The following CSMD1 variants were observed in gnomAD, a reference collection of about 807,000 sequenced individuals.
CSMD1 encodes CUB and Sushi multiple domains 1, also known as CUB and sushi domain-containing protein 1.
CSMD1 carries 213 observed loss-of-function variants against 417.5 expected under a neutral mutation model. That is an observed-to-expected ratio of 0.51 (90% confidence interval 0.46 to 0.57). The LOEUF (loss-of-function observed/expected upper bound fraction) is 0.57, where lower values mean the gene tolerates loss of function less well. Among genes scored for constraint, CSMD1 ranks in the 20% least tolerant of loss-of-function variants. CSMD1 has a pLI of 0.00. For missense variants in CSMD1, 6,923 were observed against 4,529.7 expected (o/e 1.53, Z -15.17); for synonymous variants, 2,862 against 1,736.8 (o/e 1.65, Z -16.11).
At chr8:4,795,248 A>C in intron 1 of CSMD1, among the ~76,000 whole-genome samples, 1 of 95,666 alleles carries the variant, frequency 1.0e-5, no homozygotes, top group African/African-American at 3.6e-5. Flanking sequence ...TGCTGGTGTC[A>C]TAGCTTTTTT....
At chr8:4,910,427 G>A (rs1028711843) in intron 1 of CSMD1, among the ~76,000 whole-genome samples, 20 of 152,338 alleles carry the variant, frequency 1.3e-4, no homozygotes, top group African/African-American at 4.8e-4. Flanking sequence ...TCTGGAGGCT[G>A]AGAAGTCCAG....
intron 1 of CSMD1, among the ~76,000 whole-genome samples, chr8:4,963,350 C>G (rs987880214): frequency 1.4e-4 from 22 of 152,112 alleles, no homozygotes; most frequent in African/African-American, 5.3e-4. Flanking sequence ...CAGTCACACA[C>G]CACCCTGCCC....
chr8:3,040,497 T>C (rs150018262), intron 50 of CSMD1, among the ~76,000 whole-genome samples: 23 of 150,694 alleles, frequency 1.5e-4, no homozygotes, highest in African/African-American at 5.6e-4. Flanking sequence ...AACATATATA[T>C]GTATATACAA....
Position 3,091,599 on chromosome 8 carries a change from A to C in CSMD1, c.7202T>G (p.Phe2401Cys). The C allele has an allele frequency of 6.2e-7, 1 of 1,611,702 alleles. No individual in the cohort carries two copies. The highest frequency in any genetic ancestry group is 8.5e-7 in the Non-Finnish European group (1 of 1,179,436). Residue 2401 changes from phenylalanine (F) to cysteine (C), a missense_variant, in exon 48 of 70, where the codon TTT (phenylalanine) becomes TGT (cysteine). Coordinates refer to ENST00000635120, the MANE Select transcript of CSMD1 (RefSeq NM_033225.6). ...LSGNHTEQSN[F>C]TSRSNQLYLR... Reference sequence around the variant, plus strand: ...ATATAACTGATTACTCCTGCTTGTAAAATTTGATTGTTCAGTATGATTCCC... The same window carrying C: ...ATATAACTGATTACTCCTGCTTGTACAATTTGATTGTTCAGTATGATTCCC...
At chr8:4,899,503 T>C (rs1397613751) in intron 1 of CSMD1, among the ~76,000 whole-genome samples, 1 of 152,204 alleles carries the variant, frequency 6.6e-6, no homozygotes, top group Non-Finnish European at 1.5e-5. Context: ...ATGTTAGATC[T>C]CATTGTCTCA....
At chr8:4,302,487 A>G (rs1798031398) in intron 3 of CSMD1, among the ~76,000 whole-genome samples, 1 of 152,188 alleles carries the variant, frequency 6.6e-6, no homozygotes, top group South Asian at 2.1e-4. Flanking sequence ...GTGAAAATGT[A>G]AGCTACTTGA....
intron 7 of CSMD1, among the ~76,000 whole-genome samples, chr8:3,683,024 C>T (rs935698004): frequency 6.6e-6 from 1 of 152,010 alleles, no homozygotes; most frequent in African/African-American, 2.4e-5. Flanking sequence ...GGAAGGGGAA[C>T]ATCACACACC....
At chr8:3,973,202 G>A (rs6984352) in intron 5 of CSMD1, among the ~76,000 whole-genome samples, 49,945 of 152,068 alleles carry the variant, frequency 0.33, 8,995 homozygotes, top group African/African-American at 0.47. Flanking sequence ...TGGTGGTGCT[G>A]CATGCAGCTG....
intron 2 of CSMD1, among the ~76,000 whole-genome samples, chr8:4,426,480 A>G (rs1398341627): frequency 6.8e-6 from 1 of 148,140 alleles, no homozygotes; most frequent in Non-Finnish European, 1.5e-5. Context: ...GTTTATATAT[A>G]TGACATATAT....
intron 15 of CSMD1, among the ~76,000 whole-genome samples, chr8:3,405,730 G>A (rs1312341413): frequency 1.3e-5 from 2 of 152,160 alleles, no homozygotes; most frequent in East Asian, 1.9e-4. Context: ...TGAGGGTGAG[G>A]CTTCTCCAGC....
At chr8:3,635,793 C>CAAAAAAAAAAAAAAA in intron 7 of CSMD1, among the ~76,000 whole-genome samples, 1 of 99,282 alleles carries the variant, frequency 1.0e-5, no homozygotes, top group Non-Finnish European at 2.0e-5. Flanking sequence ...GCTTCCATCT[C>CAAAAAAAAAAAAAAA]AAAAAAAAAA....
chr8:4,344,844 G>C (rs1800690740), intron 3 of CSMD1, among the ~76,000 whole-genome samples: 1 of 152,074 alleles, frequency 6.6e-6, no homozygotes, highest in Non-Finnish European at 1.5e-5. Flanking sequence ...GGATCTTTGA[G>C]AACCTTTAAA....
chr8:4,847,031 T>C (rs1801184359), intron 1 of CSMD1, among the ~76,000 whole-genome samples: 1 of 152,166 alleles, frequency 6.6e-6, no homozygotes, highest in Admixed American at 6.5e-5. Context: ...CTTGTGTTTT[T>C]AAAAAGCATT....
chr8:4,985,230 G>A (rs1196031650), intron 1 of CSMD1, among the ~76,000 whole-genome samples: 1 of 152,110 alleles, frequency 6.6e-6, no homozygotes, highest in African/African-American at 2.4e-5. Context: ...GGTGGGAGGA[G>A]GGAGAGGATT....
chr8:3,225,933 T>G (rs1262968874), intron 27 of CSMD1, among the ~76,000 whole-genome samples: 7 of 152,196 alleles, frequency 4.6e-5, no homozygotes, highest in Non-Finnish European at 8.8e-5. Flanking sequence ...GACAAAGAGA[T>G]AAAATCCACC....
At chr8:4,380,424 A>C (rs1247979123) in intron 3 of CSMD1, among the ~76,000 whole-genome samples, 1 of 152,192 alleles carries the variant, frequency 6.6e-6, no homozygotes, top group Non-Finnish European at 1.5e-5. Flanking sequence ...CATCACAATC[A>C]AGAGAATTTC....
At chr8:3,123,463 T>A (rs1029875624) in intron 41 of CSMD1, among the ~76,000 whole-genome samples, 24 of 152,242 alleles carry the variant, frequency 1.6e-4, no homozygotes, top group Non-Finnish European at 2.9e-4. Context: ...GAGTTTCAAC[T>A]ATCAACACAT....
At chr8:4,613,558 G>A (rs906797092) in intron 2 of CSMD1, among the ~76,000 whole-genome samples, 7 of 152,196 alleles carry the variant, frequency 4.6e-5, no homozygotes, top group African/African-American at 1.7e-4. Flanking sequence ...CACACACAAT[G>A]ACTACAGTTA....
chr8:3,507,419 G>T, intron 10 of CSMD1, among the ~76,000 whole-genome samples: 1 of 152,286 alleles, frequency 6.6e-6, no homozygotes, highest in Non-Finnish European at 1.5e-5. Context: ...GGACATTTGG[G>T]TTGGTTCCAA....
Sources: gnomAD v4.1 joint callset for allele counts (sites outside exome capture counted in the v4.1 genomes callset) on GRCh38, gnomAD v4.1.1 for gene constraint, MANE v1.5 for transcripts, NCBI Gene and HGNC (gene_info 2026-07-23, HGNC 2026-07-21) for gene names.